Variants in NT5M observed in about 807,000 individuals in gnomAD.
NT5M encodes the protein 5'(3')-deoxyribonucleotidase, mitochondrial.
A neutral mutation model predicts 22.2 loss-of-function variants in NT5M; 22 were observed. The observed-to-expected ratio is 0.99, with a 90% CI of 0.71 to 1.41. The LOEUF (loss-of-function observed/expected upper bound fraction) is 1.41, where lower values mean the gene tolerates loss of function less well. Among genes scored for constraint, NT5M ranks in the 40% most tolerant of loss-of-function variants. The pLI, the probability that NT5M is intolerant of heterozygous loss-of-function variation, is 0.00. For synonymous variants in NT5M, 167 were observed against 133.0 expected, an observed-to-expected ratio of 1.26 and a Z score of -1.76; for missense variants, 322 against 314.8, an observed-to-expected ratio of 1.02 and a Z score of -0.17.
Position 17,303,457 on chromosome 17 carries a change from G to T in NT5M, c.-94G>T. Reference sequence around the variant, plus strand: ...GCGCTCCACGCGCGCCCCAGCGTTGGGGGCTTCTCCTCCGCGGCGGGAATG... The same window carrying T: ...GCGCTCCACGCGCGCCCCAGCGTTGTGGGCTTCTCCTCCGCGGCGGGAATG... On this transcript the variant is annotated 5_prime_UTR_variant, in exon 1 of 5. Transcript: ENST00000389022. 1.0e-6 allele frequency: 1 copy of T among 1,003,722 alleles called. No homozygotes were observed. The highest frequency in any genetic ancestry group is 1.2e-6 in the Non-Finnish European group (1 of 843,072). The allele number at this position is 1,003,722 out of a possible 1,614,324, so 62.2% of individuals were successfully genotyped here. A position where few individuals can be genotyped will look rare whatever the true frequency, so the allele number is the denominator to read the frequency against.
At chr17:17,306,679 CTGAG>C in intron 2 of NT5M, 36 bp downstream of exon 2, 1 of 1,437,218 alleles carries the variant, frequency 7.0e-7, no homozygotes, top group Non-Finnish European at 9.8e-7. Context: ...GTAAGTTTGT[CTGAG>C]CAGCCACTGA....
At chr17:17,322,023 G>T (rs979085735) in intron 2 of NT5M, among the ~76,000 whole-genome samples, 3 of 152,094 alleles carry the variant, frequency 2.0e-5, no homozygotes, top group Non-Finnish European at 4.4e-5. Context: ...TTGTTTGGAG[G>T]TGGGGAGGGT....
At chr17:17,321,748 G>A (rs976035037) in intron 2 of NT5M, among the ~76,000 whole-genome samples, 11 of 151,920 alleles carry the variant, frequency 7.2e-5, no homozygotes, top group Non-Finnish European at 1.6e-4. Flanking sequence ...AGGCCTGGGT[G>A]GAGGATGAGA....
At chr17:17,342,422 C>T (rs533550151) in intron 3 of NT5M, among the ~76,000 whole-genome samples, 8 of 152,242 alleles carry the variant, frequency 5.3e-5, no homozygotes, top group East Asian at 3.9e-4. Flanking sequence ...GGCGCCGGTC[C>T]GAGATGAAAC....
chr17:17,342,863 C>T (rs1182047811), intron 3 of NT5M, among the ~76,000 whole-genome samples: 2 of 152,226 alleles, frequency 1.3e-5, no homozygotes, highest in African/African-American at 4.8e-5. Context: ...GCTATGTGCA[C>T]TCCATGGGTC....
chr17:17,320,778 G>C (rs1282029826), intron 2 of NT5M, among the ~76,000 whole-genome samples: 1 of 152,178 alleles, frequency 6.6e-6, no homozygotes, highest in Admixed American at 6.5e-5. Context: ...AGTCTGGGCT[G>C]GGTGGCTGGC....
At chr17:17,343,653 G>A (rs1194633607) in intron 3 of NT5M, among the ~76,000 whole-genome samples, 1 of 152,118 alleles carries the variant, frequency 6.6e-6, no homozygotes, top group Non-Finnish European at 1.5e-5. Flanking sequence ...CCCCAGGGTG[G>A]CAGAGCCCTG....
chr17:17,316,927 G>A (rs1461037147), intron 2 of NT5M, among the ~76,000 whole-genome samples: 2 of 145,714 alleles, frequency 1.4e-5, no homozygotes, highest in African/African-American at 2.6e-5. Flanking sequence ...TGTTAGCCTG[G>A]ATGGTCTCGA....
intron 2 of NT5M, among the ~76,000 whole-genome samples, chr17:17,307,361 C>T (rs532203526): frequency 4.0e-5 from 6 of 151,042 alleles, no homozygotes; most frequent in South Asian, 2.1e-4. Flanking sequence ...CGGTGGCTCA[C>T]GCCTGTAATC....
At chr17:17,336,955 A>G (rs1328402265) in intron 3 of NT5M, among the ~76,000 whole-genome samples, 4 of 152,172 alleles carry the variant, frequency 2.6e-5, no homozygotes, top group Non-Finnish European at 5.9e-5. Context: ...TGCAATAAAC[A>G]TGGGAGTGCG....
chr17:17,346,762 C>G, intron 4 of NT5M, 43 bp from the exon 5 acceptor site: 1 of 1,602,502 alleles, frequency 6.2e-7, no homozygotes. Context: ...GGCTGCGCTC[C>G]AGGTCTCCAC....
intron 3 of NT5M, among the ~76,000 whole-genome samples, chr17:17,343,502 TG>T (rs1422976300): frequency 2.6e-5 from 4 of 152,208 alleles, no homozygotes; most frequent in Non-Finnish European, 2.9e-5. Flanking sequence ...GAGGGTCATG[TG>T]GTGTCTGCCT....
rs774114169 is a variant in NT5M at position 17,344,890 on chromosome 17, G to T, written c.526G>T (p.Asp176Tyr). 48 of 1,614,126 alleles carry T rather than the reference G, an allele frequency of 3.0e-5. No homozygotes were observed. Among genetic ancestry groups the T allele is most frequent in the Non-Finnish European group, 3.9e-5 (46 of 1,180,002 alleles). ...GGTCTCTGCTGACCTTCTCATAGAC[G>T]ACCGGCCGGACATCACAGGCAAGTG... is the stretch of plus-strand genomic sequence containing the variant. ...TVVSADLLID[D>Y]RPDITGAEPT... is the part of the protein sequence containing the mutation. Residue 176 changes from aspartate (D) to tyrosine (Y), a missense_variant, in exon 4 of 5, where the codon GAC becomes TAC. Physicochemically the swap from Asp to Tyr is radical, Grantham distance 160. Transcript: ENST00000389022.
At chr17:17,338,112 C>T (rs1168732268) in intron 3 of NT5M, among the ~76,000 whole-genome samples, 8 of 151,796 alleles carry the variant, frequency 5.3e-5, no homozygotes, top group African/African-American at 1.9e-4. Context: ...AAGAGACTGT[C>T]GTTTCCCCAA....
rs1424240254 is a variant in NT5M at position 17,327,768 on chromosome 17, G to C, written c.429+4523G>C. Among the ~76,000 whole-genome samples, 8 of 105,404 alleles carry C rather than the reference G, an allele frequency of 7.6e-5. 2 individuals carry two copies. Among genetic ancestry groups the C allele is most frequent in the African/African-American group, 2.6e-4 (8 of 30,570 alleles). 69.1% of individuals were successfully genotyped at this position (105,404 alleles called of 152,430 possible). On this transcript the variant is annotated intron_variant, in intron 3 of 4. Transcript: ENST00000389022. The stretch of plus-strand genomic sequence containing the variant: ...CCTGACCTTGTGATCCACCTGCCTC[G>C]GTCTCCCAAATGCTGGGATTACAGG...
chr17:17,306,419 T>A, intron 1 of NT5M, 124 bp from the exon 2 acceptor site: 1 of 717,310 alleles, frequency 1.4e-6, no homozygotes, highest in Non-Finnish European at 2.5e-6. Flanking sequence ...CGTCCTTGGG[T>A]GTGTGTTTGG....
At chr17:17,335,164 C>T (rs2049480301) in intron 3 of NT5M, among the ~76,000 whole-genome samples, 1 of 151,822 alleles carries the variant, frequency 6.6e-6, no homozygotes, top group African/African-American at 2.4e-5. Context: ...GGTAAATACA[C>T]ATGATAAAAT....
intron 2 of NT5M, among the ~76,000 whole-genome samples, chr17:17,320,798 G>A (rs1434479227): frequency 6.6e-6 from 1 of 152,188 alleles, no homozygotes; most frequent in Non-Finnish European, 1.5e-5. Context: ...CGAGGATCAG[G>A]AGGCCAGGAG....
At chr17:17,320,272 G>A (rs1273013813) in intron 2 of NT5M, among the ~76,000 whole-genome samples, 1 of 152,172 alleles carries the variant, frequency 6.6e-6, no homozygotes. Flanking sequence ...TGGATGCTGG[G>A]TGGAAATGGC....
Sources: allele counts gnomAD v4.1 joint callset (sites outside exome capture counted in the v4.1 genomes callset), GRCh38; gene constraint gnomAD v4.1.1; transcripts MANE v1.5; gene names NCBI Gene and HGNC (gene_info 2026-07-23, HGNC 2026-07-21).